RBFOX1: variants seen among roughly 807,000 people sequenced by gnomAD.
RBFOX1 encodes the protein RNA binding fox-1 homolog 1, also known as RNA binding protein fox-1 homolog 1.
Under a neutral mutation model 57.7 loss-of-function variants are expected in RBFOX1, and 8 were observed. That is an observed-to-expected ratio of 0.14 (90% CI 0.08 to 0.25). RBFOX1 has a LOEUF of 0.25. RBFOX1 is among the 10% of genes least tolerant of loss of function. RBFOX1 has a pLI of 1.00. For missense variants in RBFOX1, 611 were observed against 548.5 expected (o/e 1.11, Z -1.14); for synonymous variants, 326 against 222.4 (o/e 1.47, Z -4.15).
At chr16:6,020,510 C>T (rs1027254770) in intron 1 of RBFOX1, among the ~76,000 whole-genome samples, 5 of 152,270 alleles carry the variant, frequency 3.3e-5, no homozygotes, top group African/African-American at 1.2e-4. Context: ...GAAAGCGCCG[C>T]TGTGTTTACT....
intron 3 of RBFOX1, among the ~76,000 whole-genome samples, chr16:5,702,872 T>C (rs1485367822): frequency 6.6e-6 from 1 of 152,194 alleles, no homozygotes; most frequent in Non-Finnish European, 1.5e-5. Flanking sequence ...ATGAAAGGTC[T>C]TCTTGGTTGT....
At chr16:6,669,876 A>C (rs2098753357) in intron 3 of RBFOX1, among the ~76,000 whole-genome samples, 1 of 152,178 alleles carries the variant, frequency 6.6e-6, no homozygotes, top group Admixed American at 6.5e-5. Flanking sequence ...AGGGAGGTAG[A>C]CGGCACTTAT....
intron 3 of RBFOX1, among the ~76,000 whole-genome samples, chr16:6,930,001 A>T (rs2076245054): frequency 6.6e-6 from 1 of 152,122 alleles, no homozygotes; most frequent in Non-Finnish European, 1.5e-5. Flanking sequence ...AATAGGAAAA[A>T]CAGAGCGAGA....
chr16:6,838,278 G>A (rs1442199828), intron 3 of RBFOX1, among the ~76,000 whole-genome samples: 1 of 152,072 alleles, frequency 6.6e-6, no homozygotes, highest in Non-Finnish European at 1.5e-5. Context: ...AAGATGTGGT[G>A]TTTGGTTTTC....
At chr16:7,615,297 C>T (rs1369700041) in intron 10 of RBFOX1, among the ~76,000 whole-genome samples, 3 of 151,844 alleles carry the variant, frequency 2.0e-5, no homozygotes, top group African/African-American at 4.9e-5. Flanking sequence ...CGTGCCACTG[C>T]ACTCCAGCCT....
intron 2 of RBFOX1, among the ~76,000 whole-genome samples, chr16:5,551,567 C>T (rs551000171): frequency 1.2e-4 from 19 of 152,176 alleles, no homozygotes; most frequent in Admixed American, 1.0e-3. Context: ...AGGGTGATGC[C>T]TGTTCTCTAG....
chr16:6,907,673 C>G (rs1048396012), intron 3 of RBFOX1, among the ~76,000 whole-genome samples: 1 of 152,152 alleles, frequency 6.6e-6, no homozygotes, highest in African/African-American at 2.4e-5. Context: ...TGGGTTCAAG[C>G]AATTCTCCTG....
chr16:6,801,140 C>T (rs891138191), intron 3 of RBFOX1, among the ~76,000 whole-genome samples: 1 of 150,068 alleles, frequency 6.7e-6, no homozygotes, highest in South Asian at 2.1e-4. Context: ...TGATATGCTC[C>T]TAGGTGATGT....
At chr16:5,973,308 G>A (rs1316647276) in intron 4 of RBFOX1, among the ~76,000 whole-genome samples, 7 of 152,168 alleles carry the variant, frequency 4.6e-5, no homozygotes, top group Admixed American at 3.9e-4. Context: ...ATGGTTAGGA[G>A]CAATTAGATC....
In RBFOX1 at chr16:7,160,770, G is replaced by A. The variant is rs557990809; in HGVS notation, c.27+108672G>A. Among the ~76,000 whole-genome samples the A allele has an allele frequency of 7.6e-5, 11 of 145,204 alleles. No homozygotes were observed. The South Asian group carries it at 8.9e-4, about 12-fold the overall frequency. On this transcript the variant is annotated intron_variant, in intron 4 of 15. Transcript: ENST00000550418. ...CTATGTCTATTCCTCCTCCTCCTCC[G>A]CCTCCCCCTTTTTTCTCCCTCCTCC... is the stretch of plus-strand genomic sequence containing the variant.
chr16:5,504,558 T>C (rs1056388950), intron 2 of RBFOX1, among the ~76,000 whole-genome samples: 3 of 152,110 alleles, frequency 2.0e-5, no homozygotes, highest in African/African-American at 7.2e-5. Context: ...ACGCGCCTGG[T>C]GGGTTGGATT....
At chr16:7,097,379 G>A (rs1228624284) in intron 4 of RBFOX1, among the ~76,000 whole-genome samples, 1 of 152,096 alleles carries the variant, frequency 6.6e-6, no homozygotes, top group Non-Finnish European at 1.5e-5. Context: ...GATTAGAGTT[G>A]CTTGCATCAA....
intron 1 of RBFOX1, among the ~76,000 whole-genome samples, chr16:6,293,813 GA>G (rs2077735732): frequency 9.3e-6 from 1 of 108,042 alleles, no homozygotes; most frequent in South Asian, 2.6e-4. Flanking sequence ...AAGGAAGTGG[GA>G]TGAATAAAAC....
At chr16:6,104,368 G>C (rs929285854) in intron 1 of RBFOX1, among the ~76,000 whole-genome samples, 1 of 152,150 alleles carries the variant, frequency 6.6e-6, no homozygotes, top group African/African-American at 2.4e-5. Flanking sequence ...TCTTCCAAGA[G>C]TCAAGTGACA....
intron 1 of RBFOX1, among the ~76,000 whole-genome samples, chr16:5,399,733 TA>T (rs5815242): frequency 0.023 from 3,254 of 143,178 alleles, 123 homozygotes; most frequent in African/African-American, 0.078. Flanking sequence ...GACCCTGTCT[TA>T]AAAAAAAAAA....
intron 1 of RBFOX1, among the ~76,000 whole-genome samples, chr16:6,113,805 A>G (rs1277170967): frequency 6.6e-6 from 1 of 152,212 alleles, no homozygotes; most frequent in Non-Finnish European, 1.5e-5. Context: ...AAGGCGTCAG[A>G]CAGGCCGTGG....
chr16:7,670,284 G>T (rs1192346257), intron 13 of RBFOX1, among the ~76,000 whole-genome samples: 1 of 152,154 alleles, frequency 6.6e-6, no homozygotes, highest in Non-Finnish European at 1.5e-5. Flanking sequence ...CAGCTGCCTT[G>T]GCCTCCCAAA....
intron 4 of RBFOX1, among the ~76,000 whole-genome samples, chr16:7,460,134 A>T (rs1005948953): frequency 1.3e-5 from 2 of 151,748 alleles, no homozygotes; most frequent in African/African-American, 4.8e-5. Context: ...TATTTCTCCT[A>T]TGCTAGTCTG....
At chr16:5,566,470 C>CTT (rs2046072130) in intron 2 of RBFOX1, among the ~76,000 whole-genome samples, 2 of 152,146 alleles carry the variant, frequency 1.3e-5, no homozygotes, top group African/African-American at 4.8e-5. Context: ...GTAGAACCCG[C>CTT]TCCCTCGGGT....
Sources: allele counts gnomAD v4.1 joint callset (sites outside exome capture counted in the v4.1 genomes callset), GRCh38; gene constraint gnomAD v4.1.1; transcripts MANE v1.5; gene names NCBI Gene and HGNC (gene_info 2026-07-23, HGNC 2026-07-21).